The following KCTD16 variants were observed in gnomAD, a reference collection of about 807,000 sequenced individuals.
KCTD16 encodes the protein BTB/POZ domain-containing protein KCTD16.
A neutral mutation model predicts 33.2 loss-of-function variants in KCTD16; 13 were observed. The observed-to-expected ratio is 0.39, with a 90% confidence interval of 0.25 to 0.62. The LOEUF is 0.62. Ranked by LOEUF, KCTD16 falls within the 20% of genes least tolerant of loss-of-function variation. The probability of loss-of-function intolerance (pLI) is 0.50; values close to 1 mark genes in which losing one functional copy is unlikely to be tolerated. For missense variants in KCTD16, 441 were observed against 525.1 expected (o/e 0.84, Z 1.57); for synonymous variants, 197 against 195.3 (o/e 1.01, Z -0.07).
At chr5:144,369,889 G>A (rs1751927416) in intron 3 of KCTD16, among the ~76,000 whole-genome samples, 1 of 152,114 alleles carries the variant, frequency 6.6e-6, no homozygotes, top group Admixed American at 6.6e-5. Context: ...GAAAACATAT[G>A]TAGTATATTA....
At position 144,477,555 on chromosome 5, in the gene KCTD16, G is replaced by A. The variant is rs1436182737; in HGVS notation, c.*3441G>A. 6.6e-6 allele frequency: 1 copy of A among 152,028 alleles called. No homozygotes were observed. The highest frequency in any genetic ancestry group is 1.9e-4 in the East Asian group (1 of 5,166). The allele number at this position is 152,028 out of a possible 1,614,324, so 9.4% of individuals were successfully genotyped here. A position where few individuals can be genotyped will look rare whatever the true frequency, so the allele number is the denominator to read the frequency against. On this transcript the variant is annotated 3_prime_UTR_variant, in exon 4 of 4. Transcript: ENST00000512467. Reference sequence around the variant, plus strand: ...AGGCACAGGTGTGTTGCTTGTTCTGGGCCCCATTACTGCCTGCGCTTCTGG... The same window carrying A: ...AGGCACAGGTGTGTTGCTTGTTCTGAGCCCCATTACTGCCTGCGCTTCTGG...
chr5:144,244,395 G>A (rs1318255936), intron 3 of KCTD16, among the ~76,000 whole-genome samples: 3 of 152,172 alleles, frequency 2.0e-5, no homozygotes, highest in South Asian at 2.1e-4. Context: ...AAATTGCATT[G>A]TATAGATAAA....
intron 2 of KCTD16, among the ~76,000 whole-genome samples, chr5:144,178,419 A>T (rs577074533): frequency 6.6e-6 from 1 of 152,206 alleles, no homozygotes; most frequent in South Asian, 2.1e-4. Flanking sequence ...CTTTTCTTTA[A>T]ATGAGGTTTA....
Position 144,478,904 on chromosome 5 carries a change from ATTGTG to A in KCTD16, c.*4792_*4796del, listed in dbSNP as rs1754648290. On this transcript the variant is annotated 3_prime_UTR_variant, in exon 4 of 4. Transcript: ENST00000512467. ...CTGTCAACCATAACCCTTTCTCCAT[ATTGTG>A]TGTGTATGTGTATGTGTATGTGTAT... is the stretch of plus-strand genomic sequence containing the variant. 6.6e-6 allele frequency: 1 copy of A among 151,676 alleles called. No individual in the cohort carries two copies. Among genetic ancestry groups the A allele is most frequent in the Non-Finnish European group, 1.5e-5 (1 of 67,854 alleles). The allele number at this position is 151,676 out of a possible 1,614,324, so 9.4% of individuals were successfully genotyped here.
Position 144,399,852 on chromosome 5 carries a change from T to C in KCTD16, c.833-73808T>C, listed in dbSNP as rs1752663334. 2.0e-5 allele frequency among the ~76,000 whole-genome samples: 3 copies of C among 152,244 alleles called. No individual in the cohort carries two copies. The South Asian group carries it at 6.2e-4, about 31-fold the overall frequency. On this transcript the variant is annotated intron_variant, in intron 3 of 3. Coordinates refer to ENST00000512467, the MANE Select transcript of KCTD16 (RefSeq NM_020768.4). ...AAAGATCTAAGATTGATTCTATCTC[T>C]GATAGCAGAGAAGGGAATTAAGGAG...
rs181697711 is a variant in KCTD16, at chr5:144,187,061, A to C, written c.-327+12589A>C. Among the ~76,000 whole-genome samples, 94 of 152,322 alleles carry C rather than the reference A, an allele frequency of 6.2e-4. 1 individual carries two copies. The South Asian group carries it at 7.9e-3, about 13-fold the overall frequency. ...GTCAAAGAACTCCTTAGGGCTTTTC[A>C]GTTCCTAAATTCCATATATACATAA... On this transcript the variant is annotated intron_variant, in intron 2 of 3. Coordinates refer to ENST00000512467, the MANE Select transcript of KCTD16 (RefSeq NM_020768.4).
intron 3 of KCTD16, among the ~76,000 whole-genome samples, chr5:144,408,638 A>T (rs914192557): frequency 2.0e-5 from 3 of 152,214 alleles, no homozygotes; most frequent in Admixed American, 6.5e-5. Context: ...GTAGAGGTAT[A>T]TCAATTATAT....
chr5:144,287,805 T>G (rs114396726), intron 3 of KCTD16, among the ~76,000 whole-genome samples: 1,686 of 152,114 alleles, frequency 0.011, 31 homozygotes, highest in African/African-American at 0.037. Context: ...CTGGCTAATT[T>G]TTTTATTTTT....
At chr5:144,225,309 C>A (rs932583321) in intron 3 of KCTD16, among the ~76,000 whole-genome samples, 2 of 151,990 alleles carry the variant, frequency 1.3e-5, no homozygotes, top group Admixed American at 1.3e-4. Context: ...GAAATTGAAC[C>A]AGATTGGGCC....
chr5:144,203,740 A>G (rs1414144171), intron 2 of KCTD16, among the ~76,000 whole-genome samples: 3 of 152,222 alleles, frequency 2.0e-5, no homozygotes, highest in Admixed American at 6.5e-5. Context: ...ACCAGTACTT[A>G]ATAGGTCTGA....
intron 3 of KCTD16, among the ~76,000 whole-genome samples, chr5:144,309,192 T>C (rs1751691157): frequency 6.6e-6 from 1 of 152,146 alleles, no homozygotes; most frequent in Non-Finnish European, 1.5e-5. Flanking sequence ...TTCTCCTTTG[T>C]TACTGTGTTT....
At chr5:144,442,796 A>C (rs1472489937) in intron 3 of KCTD16, among the ~76,000 whole-genome samples, 1 of 152,002 alleles carries the variant, frequency 6.6e-6, no homozygotes, top group African/African-American at 2.4e-5. Flanking sequence ...ACTTTATAGA[A>C]CCACAACTAA....
intron 3 of KCTD16, among the ~76,000 whole-genome samples, chr5:144,370,598 A>G (rs1245014523): frequency 6.6e-6 from 1 of 152,204 alleles, no homozygotes; most frequent in Non-Finnish European, 1.5e-5. Flanking sequence ...GGTCTCACAG[A>G]TAACTAATGC....
chr5:144,472,093 T>A (rs775884500), intron 3 of KCTD16, among the ~76,000 whole-genome samples: 2 of 152,198 alleles, frequency 1.3e-5, no homozygotes, highest in African/African-American at 2.4e-5. Flanking sequence ...TAAGGTAACA[T>A]CCTGTATAAT....
chr5:144,471,595 G>C (rs1754475333), intron 3 of KCTD16, among the ~76,000 whole-genome samples: 1 of 152,178 alleles, frequency 6.6e-6, no homozygotes, highest in Non-Finnish European at 1.5e-5. Context: ...CGAGTTTGGG[G>C]AAGCAGAAGC....
At chr5:144,299,140 ATATATATATTTTTTTTT>A (rs1751338213) in intron 3 of KCTD16, among the ~76,000 whole-genome samples, 1 of 27,032 alleles carries the variant, frequency 3.7e-5, no homozygotes, top group African/African-American at 3.7e-4. Flanking sequence ...ATATATATAT[ATATATATATTTTTTTTT>A]TTTTTTTTAA....
intron 3 of KCTD16, among the ~76,000 whole-genome samples, chr5:144,388,541 G>A (rs76685426): frequency 0.025 from 3,867 of 152,006 alleles, 69 homozygotes; most frequent in African/African-American, 0.041. Flanking sequence ...GGATACCATG[G>A]GATATGAATC....
chr5:144,173,222 A>G (rs1374172942), intron 1 of KCTD16, among the ~76,000 whole-genome samples: 1 of 152,250 alleles, frequency 6.6e-6, no homozygotes, highest in Non-Finnish European at 1.5e-5. Flanking sequence ...AAGACATGGA[A>G]GCAACTTAAA....
At chr5:144,410,838 G>A (rs1752916717) in intron 3 of KCTD16, among the ~76,000 whole-genome samples, 1 of 152,116 alleles carries the variant, frequency 6.6e-6, no homozygotes, top group Non-Finnish European at 1.5e-5. Flanking sequence ...CTGCTAACTT[G>A]ATACTTTGTT....
Sources: allele counts gnomAD v4.1 joint callset (sites outside exome capture counted in the v4.1 genomes callset), GRCh38; gene constraint gnomAD v4.1.1; transcripts MANE v1.5; gene names NCBI Gene and HGNC (gene_info 2026-07-23, HGNC 2026-07-21).